The following ARCN1 variants were observed in gnomAD, a reference collection of about 807,000 sequenced individuals.
ARCN1 encodes coatomer subunit delta.
ARCN1 carries 5 observed loss-of-function variants against 60.4 expected under a neutral mutation model. The observed-to-expected ratio is 0.08, with a 90% CI of 0.04 to 0.17. The LOEUF is 0.17. Ranked by LOEUF, ARCN1 falls within the 10% of genes least tolerant of loss-of-function variation. The probability of loss-of-function intolerance (pLI) is 1.00; values close to 1 mark genes in which losing one functional copy is unlikely to be tolerated. For synonymous variants in ARCN1, 224 were observed against 220.0 expected, an observed-to-expected ratio of 1.02 and a Z score of -0.16; for missense variants, 464 against 626.5, an observed-to-expected ratio of 0.74 and a Z score of 2.77.
rs891160943 is a variant in ARCN1, at chr11:118,572,437, T to C, written c.-111T>C. 1.4e-5 allele frequency: 15 copies of C among 1,044,344 alleles called. No homozygotes were observed. The highest frequency in any genetic ancestry group is 1.8e-5 in the Non-Finnish European group (14 of 771,432). The allele number at this position is 1,044,344 out of a possible 1,614,324, so 64.7% of individuals were successfully genotyped here. ...TTGGCAAGAGGCGAAGCGGCAGCGGTTCCTGTCAAGGGGGCAGCAGGTCCA... is the reference window on the plus strand; with the variant it reads ...TTGGCAAGAGGCGAAGCGGCAGCGGCTCCTGTCAAGGGGGCAGCAGGTCCA... On this transcript the variant is annotated 5_prime_UTR_variant, in exon 1 of 10. Transcript: ENST00000264028.
intron 8 of ARCN1, among the ~76,000 whole-genome samples, chr11:118,596,425 C>A (rs1939027206): frequency 6.6e-6 from 1 of 152,144 alleles, no homozygotes; most frequent in African/African-American, 2.4e-5. Context: ...TTGCAATGGT[C>A]TCCAGAAGAG....
rs538780981 is a variant in ARCN1 at position 118,588,459 on chromosome 11, G to A, written c.819-1882G>A. The stretch of plus-strand genomic sequence containing the variant: ...AGGAACCATGGATGAAAACCGGTAT[G>A]TATGTATATCATAATATCACAACTA... On this transcript the variant is annotated intron_variant, in intron 5 of 9. Coordinates refer to ENST00000264028, the MANE Select transcript of ARCN1 (RefSeq NM_001655.5). Among the ~76,000 whole-genome samples, 23 of 152,312 alleles carry A rather than the reference G, an allele frequency of 1.5e-4. No homozygotes were observed. In the East Asian group the frequency reaches 4.4e-3, roughly 29 times the overall value.
At chr11:118,572,968 A>C in intron 1 of ARCN1, 1 of 205,984 alleles carries the variant, frequency 4.9e-6, no homozygotes, top group Non-Finnish European at 9.7e-6. Flanking sequence ...CCTTCTGTTA[A>C]TCAGAGCTTG....
chr11:118,575,097 G>A (rs1938458672), intron 1 of ARCN1, among the ~76,000 whole-genome samples: 1 of 152,118 alleles, frequency 6.6e-6, no homozygotes, highest in Admixed American at 6.6e-5. Context: ...TCCTGCCTCA[G>A]CCTCCTGAGT....
At chr11:118,590,963 A>C (rs1938893942) in intron 6 of ARCN1, among the ~76,000 whole-genome samples, 1 of 152,248 alleles carries the variant, frequency 6.6e-6, no homozygotes, top group Non-Finnish European at 1.5e-5. Context: ...GAACAGCCTG[A>C]GCAATGAGGG....
chr11:118,578,289 C>T (rs1938570708), intron 1 of ARCN1, among the ~76,000 whole-genome samples: 1 of 151,684 alleles, frequency 6.6e-6, no homozygotes, highest in Non-Finnish European at 1.5e-5. Flanking sequence ...CTAAATTTTA[C>T]TTGTATGGTA....
chr11:118,582,593 G>A (rs1267962803), intron 2 of ARCN1, among the ~76,000 whole-genome samples: 1 of 151,590 alleles, frequency 6.6e-6, no homozygotes, highest in Non-Finnish European at 1.5e-5. Context: ...TGGGCATGGT[G>A]GCGGGCACCC....
At chr11:118,580,414 T>TA (rs1449288713) in intron 1 of ARCN1, among the ~76,000 whole-genome samples, 2 of 152,224 alleles carry the variant, frequency 1.3e-5, no homozygotes, top group Admixed American at 1.3e-4. Context: ...AAAACTAGCG[T>TA]AGTTTGAAGA....
At chr11:118,572,910 C>A in intron 1 of ARCN1, 1 of 294,038 alleles carries the variant, frequency 3.4e-6, no homozygotes, top group Non-Finnish European at 6.3e-6. Flanking sequence ...CCGCCGGTTC[C>A]CTGGCGCTTA....
chr11:118,587,079 A>G (rs1938795733), intron 5 of ARCN1, among the ~76,000 whole-genome samples: 1 of 152,206 alleles, frequency 6.6e-6, no homozygotes, highest in Admixed American at 6.5e-5. Flanking sequence ...TGGTAGGATA[A>G]CAAAATATTT....
At chr11:118,585,598 G>A (rs1555075378) in intron 5 of ARCN1, among the ~76,000 whole-genome samples, 1 of 151,992 alleles carries the variant, frequency 6.6e-6, no homozygotes, top group African/African-American at 2.4e-5. Flanking sequence ...GGAGTACAGT[G>A]GTGCAATCTC....
intron 9 of ARCN1, among the ~76,000 whole-genome samples, chr11:118,599,805 G>T (rs1332376376): frequency 1.3e-5 from 2 of 152,010 alleles, no homozygotes; most frequent in Non-Finnish European, 2.9e-5. Flanking sequence ...TGACTTGCTT[G>T]TTGTTCTGGC....
intron 6 of ARCN1, among the ~76,000 whole-genome samples, chr11:118,590,776 G>A (rs1938889868): frequency 6.6e-6 from 1 of 152,150 alleles, no homozygotes; most frequent in South Asian, 2.1e-4. Flanking sequence ...CCAATAAAAG[G>A]TACAAGGAGG....
intron 1 of ARCN1, among the ~76,000 whole-genome samples, chr11:118,580,779 T>C (rs1202231085): frequency 2.0e-5 from 3 of 151,428 alleles, no homozygotes; most frequent in Non-Finnish European, 4.4e-5. Context: ...CGCTTTGGCC[T>C]CCCAAAGTGC....
intron 9 of ARCN1, among the ~76,000 whole-genome samples, 153 bp downstream of exon 9, chr11:118,598,064 G>GTA (rs1565366823): frequency 6.6e-6 from 1 of 152,128 alleles, no homozygotes; most frequent in East Asian, 1.9e-4. Context: ...CTAATTCATT[G>GTA]TATGATCGTG....
intron 5 of ARCN1, among the ~76,000 whole-genome samples, chr11:118,586,127 A>G (rs1385575570): frequency 6.6e-6 from 1 of 152,006 alleles, no homozygotes; most frequent in Non-Finnish European, 1.5e-5. Flanking sequence ...CTTTCTTGAC[A>G]GAGTCTTGCT....
intron 5 of ARCN1, among the ~76,000 whole-genome samples, chr11:118,587,567 G>A (rs1177200589): frequency 6.6e-6 from 1 of 152,134 alleles, no homozygotes; most frequent in Non-Finnish European, 1.5e-5. Context: ...AACTCAAACT[G>A]TTTGTTTTTT....
chr11:118,573,929 T>G (rs1159367688), intron 1 of ARCN1: 13 of 448,070 alleles, frequency 2.9e-5, no homozygotes, highest in Non-Finnish European at 4.8e-5. Context: ...CACCCTGGAA[T>G]TAATAATGCA....
chr11:118,599,372 C>G (rs757243433), intron 9 of ARCN1, among the ~76,000 whole-genome samples: 3 of 151,232 alleles, frequency 2.0e-5, no homozygotes, highest in Non-Finnish European at 4.4e-5. Context: ...ATTACAGGCG[C>G]GAGTCACCGC....
Sources: allele counts gnomAD v4.1 joint callset (sites outside exome capture counted in the v4.1 genomes callset), GRCh38; gene constraint gnomAD v4.1.1; transcripts MANE v1.5; gene names NCBI Gene and HGNC (gene_info 2026-07-23, HGNC 2026-07-21).